DYSF: variants seen among roughly 807,000 people sequenced by gnomAD.
DYSF encodes the protein dysferlin.
A neutral mutation model predicts 274.9 loss-of-function variants in DYSF; 212 were observed. The observed-to-expected ratio is 0.77, with a 90% CI of 0.69 to 0.86. DYSF has a LOEUF of 0.86. Among genes scored for constraint, DYSF ranks in the 40% least tolerant of loss-of-function variants. DYSF has a pLI of 0.00. For missense variants in DYSF, 2,666 were observed against 2,783.2 expected, an observed-to-expected ratio of 0.96 and a Z score of 0.95; for synonymous variants, 1,091 against 1,078.7, an observed-to-expected ratio of 1.01 and a Z score of -0.22.
At chr2:71,598,432 C>T in intron 32 of DYSF, 132 bp from the exon 33 acceptor site, 2 of 1,093,556 alleles carry the variant, frequency 1.8e-6, no homozygotes, top group South Asian at 1.3e-5. Flanking sequence ...TGCATCCCAG[C>T]ATGAATGTTG....
intron 36 of DYSF, 70 bp from the exon 37 acceptor site, chr2:71,611,175 C>T (rs2152874566): frequency 8.6e-7 from 1 of 1,156,738 alleles, no homozygotes. Flanking sequence ...CCTATCTGTC[C>T]TTCTCTCTTG....
intron 41 of DYSF, among the ~76,000 whole-genome samples, chr2:71,628,118 C>T (rs1001243580): frequency 6.6e-6 from 1 of 151,630 alleles, no homozygotes; most frequent in African/African-American, 2.4e-5. Flanking sequence ...TAAAATATTC[C>T]CCTCCTTTTT....
intron 23 of DYSF, among the ~76,000 whole-genome samples, chr2:71,562,585 G>A (rs373928536): frequency 2.0e-5 from 3 of 152,170 alleles, no homozygotes; most frequent in East Asian, 1.9e-4. Context: ...AATGAGAAGC[G>A]TCTGCTCATA....
chr2:71,672,744 C>T (rs965936353), intron 51 of DYSF, among the ~76,000 whole-genome samples: 4 of 152,304 alleles, frequency 2.6e-5, no homozygotes, highest in Admixed American at 6.5e-5. Context: ...AGGCTGCTGG[C>T]GGGCCATGCA....
rs751308221 is a variant in DYSF at position 71,669,760 on chromosome 2, C to T, written c.5784+14C>T. The T allele has an allele frequency of 2.6e-5, 42 of 1,614,038 alleles. No homozygotes were observed. Among genetic ancestry groups the T allele is most frequent in the African/African-American group, 4.0e-5 (3 of 74,924 alleles). On this transcript the variant is annotated intron_variant, in intron 51 of 55. Transcript: ENST00000410020. ...ATTGCCAAGAAGGTCAGTGTCCTTC[C>T]GATTCCCTGTGGTGCCAGCACCAGG...
intron 55 of DYSF, among the ~76,000 whole-genome samples, chr2:71,683,675 A>T (rs2095322886): frequency 6.6e-6 from 1 of 152,332 alleles, no homozygotes; most frequent in Non-Finnish European, 1.5e-5. Context: ...CACACTCCCA[A>T]TCCAGGGCTC....
chr2:71,553,752 A>AAAACAC, intron 20 of DYSF, 55 bp from the exon 21 acceptor site: 3 of 267,804 alleles, frequency 1.1e-5, no homozygotes, highest in African/African-American at 4.3e-5. Flanking sequence ...TTAGCACCCC[A>AAAACAC]TCCCACCCGC....
intron 51 of DYSF, among the ~76,000 whole-genome samples, chr2:71,672,658 C>G (rs1465748225): frequency 1.3e-5 from 2 of 152,186 alleles, no homozygotes; most frequent in Admixed American, 6.5e-5. Context: ...AGCCCCAGCC[C>G]AGCTGCTCCC....
At position 71,608,617 on chromosome 2, in the gene DYSF, G is replaced by A. The variant is rs558629543; in HGVS notation, c.3958-2628G>A. Among the ~76,000 whole-genome samples the A allele has an allele frequency of 3.9e-5, 6 of 152,234 alleles. No individual in the cohort carries two copies. The South Asian group carries it at 6.2e-4, about 16-fold the overall frequency. ...TCTTCCTCCAGGGCCTTCTCCAAAC[G>A]GTATTGGAGCTTAACCTTCTCCAGG... On this transcript the variant is annotated intron_variant, in intron 36 of 55. Transcript: ENST00000410020.
intron 22 of DYSF, among the ~76,000 whole-genome samples, chr2:71,557,415 AGGCTGTTGCCCAAT>A (rs1463857321): frequency 2.0e-5 from 3 of 152,108 alleles, no homozygotes; most frequent in Non-Finnish European, 4.4e-5. Flanking sequence ...GTGGCAGGAG[AGGCTGTTGCCCAAT>A]TGGGCGGCCC....
intron 1 of DYSF, among the ~76,000 whole-genome samples, chr2:71,479,612 C>T (rs1277300987): frequency 2.0e-5 from 3 of 152,212 alleles, no homozygotes; most frequent in Non-Finnish European, 4.4e-5. Context: ...GGAGGGTCTC[C>T]TTGTGCGTCT....
chr2:71,483,450 G>C (rs755790284), intron 3 of DYSF, among the ~76,000 whole-genome samples: 2 of 152,178 alleles, frequency 1.3e-5, no homozygotes, highest in Non-Finnish European at 2.9e-5. Context: ...GCAGGGGTAG[G>C]CTTTGAAAAG....
At chr2:71,624,159 T>A (rs185895196) in intron 41 of DYSF, among the ~76,000 whole-genome samples, 1 of 152,344 alleles carries the variant, frequency 6.6e-6, no homozygotes. Flanking sequence ...TATGTGTTTT[T>A]AAATATATAC....
chr2:71,492,298 C>T (rs1049483751), intron 3 of DYSF, among the ~76,000 whole-genome samples: 4 of 152,276 alleles, frequency 2.6e-5, no homozygotes, highest in East Asian at 1.9e-4. Context: ...TGTTTCCTGC[C>T]CCTCACTGCC....
At chr2:71,513,600 G>T in intron 6 of DYSF, 116 bp from the exon 7 acceptor site, 1 of 1,058,872 alleles carries the variant, frequency 9.4e-7, no homozygotes, top group African/African-American at 1.6e-5. Flanking sequence ...AGGAAGAGGG[G>T]ATGAGTCTTA....
chr2:71,577,579 AAC>A (rs2092751350), intron 30 of DYSF, among the ~76,000 whole-genome samples: 1 of 147,954 alleles, frequency 6.8e-6, no homozygotes, highest in Non-Finnish European at 1.5e-5. Flanking sequence ...CACACACACC[AAC>A]ACACTCATAC....
intron 41 of DYSF, among the ~76,000 whole-genome samples, chr2:71,621,744 C>T (rs926259055): frequency 6.6e-6 from 1 of 152,088 alleles, no homozygotes; most frequent in Non-Finnish European, 1.5e-5. Flanking sequence ...ACTGCAACCT[C>T]CATCTGCTGG....
chr2:71,637,142 A>G (rs1453149605), intron 41 of DYSF, among the ~76,000 whole-genome samples: 1 of 152,164 alleles, frequency 6.6e-6, no homozygotes, highest in African/African-American at 2.4e-5. Context: ...ACGTGTGGGC[A>G]GAGAGAGAGA....
At chr2:71,682,153 CG>C (rs1397014370) in intron 54 of DYSF, among the ~76,000 whole-genome samples, 1 of 152,008 alleles carries the variant, frequency 6.6e-6, no homozygotes, top group Non-Finnish European at 1.5e-5. Context: ...ATCTGGGGCT[CG>C]GTGGGCTGGA....
Sources: gnomAD v4.1 joint callset for allele counts (sites outside exome capture counted in the v4.1 genomes callset) on GRCh38, gnomAD v4.1.1 for gene constraint, MANE v1.5 for transcripts, NCBI Gene and HGNC (gene_info 2026-07-23, HGNC 2026-07-21) for gene names.